HES4: variants seen among roughly 807,000 people sequenced by gnomAD.
HES4 encodes transcription factor HES-4.
In HES4, 17 loss-of-function variants were observed where a neutral mutation model predicts 10.7. That is an observed-to-expected ratio of 1.59 (90% CI 1.09 to 2.38). The LOEUF (loss-of-function observed/expected upper bound fraction) is 2.38, where lower values mean the gene tolerates loss of function less well. Ranked by LOEUF, HES4 falls within the 30% of genes most tolerant of loss-of-function variation. The probability of loss-of-function intolerance (pLI) is 0.00; values close to 1 mark genes in which losing one functional copy is unlikely to be tolerated. For synonymous variants in HES4, 189 were observed against 159.7 expected, an observed-to-expected ratio of 1.18 and a Z score of -1.38; for missense variants, 389 against 332.1, an observed-to-expected ratio of 1.17 and a Z score of -1.33.
In HES4 at chr1:1,000,019, G is replaced by T. The variant is rs1644007061; in HGVS notation, c.-46C>A. ...GTGCCGGGTGGAGCGCGCCGCCACG[G>T]ACCACGGGCGGGCTGGCGGGCGAGC... is the stretch of plus-strand genomic sequence containing the variant. On this transcript the variant is annotated 5_prime_UTR_variant, in exon 1 of 4. Transcript: ENST00000304952. The T allele has an allele frequency of 1.6e-6, 2 of 1,252,174 alleles. No homozygotes were observed. Among genetic ancestry groups the T allele is most frequent in the South Asian group, 5.8e-5 (2 of 34,364 alleles). The allele number at this position is 1,252,174 out of a possible 1,614,324, so 77.6% of individuals were successfully genotyped here.
In HES4 at chr1:999,128, C is replaced by T; in HGVS notation, c.597G>A (p.Arg199=). 3 of 1,217,010 alleles carry T rather than the reference C, an allele frequency of 2.5e-6. No homozygotes were observed. The highest frequency in any genetic ancestry group is 3.1e-6 in the Non-Finnish European group (3 of 979,240). 75.4% of individuals were successfully genotyped at this position (1,217,010 alleles called of 1,614,324 possible). Residue 199 remains arginine (R), a synonymous_variant, in exon 4 of 4, where the codon CGG becomes CGA. Transcript: ENST00000304952. ...CCGCCCTGGGGGCGGCGGGCAGCGC[C>T]CGGGTCAGACCCGGCAGCAGCGGCG... ...LAPPLLPGLT[R]ALPAAPRAGP... is the part of the protein sequence containing the mutation.
chr1:999,036 G>A lies in HES4; in HGVS notation c.*23C>T, dbSNP rs368621245. 2.0e-5 allele frequency: 25 copies of A among 1,264,570 alleles called. No individual in the cohort carries two copies. In the African/African-American group the frequency reaches 3.4e-4, roughly 17 times the overall value. The allele number at this position is 1,264,570 out of a possible 1,614,324, so 78.3% of individuals were successfully genotyped here. A position where few individuals can be genotyped will look rare whatever the true frequency, so the allele number is the denominator to read the frequency against. On this transcript the variant is annotated 3_prime_UTR_variant, in exon 4 of 4. Coordinates refer to ENST00000304952, the MANE Select transcript of HES4 (RefSeq NM_021170.4). ...GGCCCTAGAACGGGGCGCCGCCTCC[G>A]ATGCAGTCTCAGGGCCACAGCCTCA...
intron 1 of HES4, 25 bp downstream of exon 1, chr1:999,841 C>T (rs765510374): frequency 3.1e-6 from 5 of 1,592,364 alleles, no homozygotes; most frequent in South Asian, 1.1e-5. Context: ...CCGGTCGCCC[C>T]CCTCACGCCC....
chr1:999,961 T>A lies in HES4; in HGVS notation c.13A>T (p.Thr5Ser). 3.5e-6 allele frequency: 5 copies of A among 1,446,980 alleles called. No individual in the cohort carries two copies. The highest frequency in any genetic ancestry group is 4.5e-6 in the Non-Finnish European group (5 of 1,110,356). The allele number at this position is 1,446,980 out of a possible 1,614,324, so 89.6% of individuals were successfully genotyped here. A position where few individuals can be genotyped will look rare whatever the true frequency, so the allele number is the denominator to read the frequency against. Residue 5 changes from threonine to serine, a missense_variant, in exon 1 of 4, where the codon ACG (threonine) becomes TCG (serine). Thr to Ser is a moderately conservative substitution (Grantham distance 58). Coordinates refer to ENST00000304952, the MANE Select transcript of HES4 (RefSeq NM_021170.4). ...GGCGAGGCGCTCGGTTTCCCCGGCG[T>A]GTCTGCGGCCATGGTGCGCCCCGCG... Reference protein sequence around the residue: MAADTPGKPSASPMA... With the variant: MAADSPGKPSASPMA...
Position 999,853 on chromosome 1 carries a change from G to A in HES4, c.108+13C>T. ...CCCCCGGTCGCCCCCCTCACGCCCG[G>A]CCGGGACCCCACCTTGCGGTGCTCG... On this transcript the variant is annotated intron_variant, in intron 1 of 3. Transcript: ENST00000304952. The A allele has an allele frequency of 1.9e-6, 3 of 1,577,098 alleles. No individual in the cohort carries two copies. Among genetic ancestry groups the A allele is most frequent in the Non-Finnish European group, 2.6e-6 (3 of 1,164,076 alleles).
At position 999,182 on chromosome 1, in the gene HES4, C is replaced by G. The variant is rs1643982594; in HGVS notation, c.543G>C (p.Ser181=). ...EVYAGRPLLP[S]LGGPFPLLAP... ...CGAGCAGAGGGAAGGGGCCGCCGAGCGATGGCAGCAGCGGGCGGCCCGCGT... is the reference window on the plus strand; with the variant it reads ...CGAGCAGAGGGAAGGGGCCGCCGAGGGATGGCAGCAGCGGGCGGCCCGCGT... Residue 181 remains serine (S), a synonymous_variant, in exon 4 of 4, where the codon TCG becomes TCC. Coordinates refer to ENST00000304952, the MANE Select transcript of HES4 (RefSeq NM_021170.4). 1.6e-6 allele frequency: 2 copies of G among 1,256,854 alleles called. No homozygotes were observed. Among genetic ancestry groups the G allele is most frequent in the African/African-American group, 3.1e-5 (2 of 63,858 alleles). 77.9% of individuals were successfully genotyped at this position (1,256,854 alleles called of 1,614,324 possible). A position where few individuals can be genotyped will look rare whatever the true frequency, so the allele number is the denominator to read the frequency against.
Position 999,308 on chromosome 1 carries a change from C to T in HES4, c.417G>A (p.Leu139=). The change falls in exon 4 of 4, where the codon CTG becomes CTA. Residue 139 remains leucine (L), a synonymous_variant. Coordinates refer to ENST00000304952, the MANE Select transcript of HES4 (RefSeq NM_021170.4). ...EGVPADVRSR[L]LGHLAACLRQ... ...GCAGGCAGGCTGCCAGGTGGCCCAG[C>T]AGGCGGGAGCGCACGTCGGCCGGGA... 1 of 1,472,884 alleles carries T rather than the reference C, an allele frequency of 6.8e-7. No individual in the cohort carries two copies. Among genetic ancestry groups the T allele is most frequent in the Non-Finnish European group, 8.9e-7 (1 of 1,118,272 alleles). The allele number at this position is 1,472,884 out of a possible 1,614,324, so 91.2% of individuals were successfully genotyped here.
Position 999,725 on chromosome 1 carries a change from G to C in HES4, c.171C>G (p.Leu57=), listed in dbSNP as rs754074223. Reference sequence around the variant, plus strand: ...TGAGGGCGTCCAGGATGAGGGTTTTGAGCTGAGCGAGGCTCTCGTTAATAC... The same window carrying C: ...TGAGGGCGTCCAGGATGAGGGTTTTCAGCTGAGCGAGGCTCTCGTTAATAC... ...RARINESLAQ[L]KTLILDALRK... Residue 57 remains leucine (L), a synonymous_variant, in exon 2 of 4, where the codon CTC becomes CTG. Coordinates refer to ENST00000304952, the MANE Select transcript of HES4 (RefSeq NM_021170.4). 1.2e-6 allele frequency: 2 copies of C among 1,611,828 alleles called. No individual in the cohort carries two copies. Among genetic ancestry groups the C allele is most frequent in the East Asian group, 2.2e-5 (1 of 44,746 alleles).
chr1:998,995 T>TC lies in HES4; in HGVS notation c.*63dup. 1 of 1,223,244 alleles carries TC rather than the reference T, an allele frequency of 8.2e-7. No homozygotes were observed. Among genetic ancestry groups the TC allele is most frequent in the South Asian group, 3.4e-5 (1 of 29,148 alleles). The allele number at this position is 1,223,244 out of a possible 1,614,324, so 75.8% of individuals were successfully genotyped here. A position where few individuals can be genotyped will look rare whatever the true frequency, so the allele number is the denominator to read the frequency against. On this transcript the variant is annotated 3_prime_UTR_variant, in exon 4 of 4. Transcript: ENST00000304952. ...AATAAATACGTTTTCTCTGCTACAG[T>TC]CTCGGCAAAGGCCACGGCCCTAGAA...
At position 1,000,054 on chromosome 1, in the gene HES4, G is replaced by A. The variant is rs902563116; in HGVS notation, c.-81C>T. The A allele has an allele frequency of 1.5e-5, 17 of 1,149,872 alleles. No homozygotes were observed. In the South Asian group the frequency reaches 6.2e-4, roughly 42 times the overall value. 71.2% of individuals were successfully genotyped at this position (1,149,872 alleles called of 1,614,324 possible). ...GGGCTGGCGGGCGAGCGGCGAGCGCGCGGCGATCCGAGCCCCTAGGGCGGA... is the reference window on the plus strand; with the variant it reads ...GGGCTGGCGGGCGAGCGGCGAGCGCACGGCGATCCGAGCCCCTAGGGCGGA... On this transcript the variant is annotated 5_prime_UTR_variant, in exon 1 of 4. Coordinates refer to ENST00000304952, the MANE Select transcript of HES4 (RefSeq NM_021170.4).
Position 999,908 on chromosome 1 carries a change from G to T in HES4, c.66C>A (p.Ser22Arg). Residue 22 changes from serine to arginine, a missense_variant, in exon 1 of 4, where the codon AGC becomes AGA. By Grantham distance (110) the Ser-to-Arg change is moderately radical. Coordinates refer to ENST00000304952, the MANE Select transcript of HES4 (RefSeq NM_021170.4). The stretch of plus-strand genomic sequence containing the variant: ...CGCTCCGGGGCTTGTCTGGGGTCCG[G>T]CTGGCGCTGGCCGGCGCTCCTGCCA... ...SPMAGAPASA[S>R]RTPDKPRSAA... 1 of 1,481,138 alleles carries T rather than the reference G, an allele frequency of 6.8e-7. No homozygotes were observed. The highest frequency in any genetic ancestry group is 8.9e-7 in the Non-Finnish European group (1 of 1,124,626). 91.7% of individuals were successfully genotyped at this position (1,481,138 alleles called of 1,614,324 possible).
rs1405048872 is a variant in HES4 at position 1,000,028 on chromosome 1, C to A, written c.-55G>T. Reference sequence around the variant, plus strand: ...GGAGCGCGCCGCCACGGACCACGGGCGGGCTGGCGGGCGAGCGGCGAGCGC... The same window carrying A: ...GGAGCGCGCCGCCACGGACCACGGGAGGGCTGGCGGGCGAGCGGCGAGCGC... On this transcript the variant is annotated 5_prime_UTR_variant, in exon 1 of 4. Transcript: ENST00000304952. The A allele has an allele frequency of 8.2e-7, 1 of 1,217,418 alleles. No individual in the cohort carries two copies. Among genetic ancestry groups the A allele is most frequent in the Admixed American group, 4.4e-5 (1 of 22,518 alleles). The allele number at this position is 1,217,418 out of a possible 1,614,324, so 75.4% of individuals were successfully genotyped here. A position where few individuals can be genotyped will look rare whatever the true frequency, so the allele number is the denominator to read the frequency against.
Position 999,400 on chromosome 1 carries a change from T to C in HES4, c.325A>G (p.Lys109Glu), listed in dbSNP as rs1213556522. 14 of 1,514,672 alleles carry C rather than the reference T, an allele frequency of 9.2e-6. No individual in the cohort carries two copies. The highest frequency in any genetic ancestry group is 1.8e-4 in the Middle Eastern group (1 of 5,504). The allele number at this position is 1,514,672 out of a possible 1,614,324, so 93.8% of individuals were successfully genotyped here. ...ALSADPAVLGKYRAGFHECLA... is the reference protein window; with the variant it reads ...ALSADPAVLGEYRAGFHECLA... ...CACTCGTGGAAGCCGGCGCGGTACT[T>C]GCCCAGAACGGCGGGGTCGGCGCTG... Residue 109 changes from lysine (K) to glutamate (E), a missense_variant, in exon 4 of 4, where the codon AAG becomes GAG. Coordinates refer to ENST00000304952, the MANE Select transcript of HES4 (RefSeq NM_021170.4).
In HES4 at chr1:999,593, C is replaced by T. The variant is rs2100527411; in HGVS notation, c.225G>A (p.Leu75=). The T allele has an allele frequency of 6.2e-7, 1 of 1,609,766 alleles. No individual in the cohort carries two copies. Among genetic ancestry groups the T allele is most frequent in the South Asian group, 1.1e-5 (1 of 90,574 alleles). Residue 75 remains leucine, a synonymous_variant, in exon 3 of 4, where the codon CTG becomes CTA. Transcript: ENST00000304952. The part of the protein sequence containing the change: ...LRKESSRHSK[L]EKADILEMTV... ...TCATCTCCAGGATGTCCGCCTTCTC[C>T]AGCTTCGAGTGGCGGGAGCTCTGGG...
chr1:999,086 ACCCGGGCCCTGCGGCCCCGC>A lies in HES4; in HGVS notation c.619_638del (p.Ala207TrpfsTer14), dbSNP rs1643979920. 1 of 1,235,954 alleles carries A rather than the reference ACCCGGGCCCTGCGGCCCCGC, an allele frequency of 8.1e-7. No individual in the cohort carries two copies. The highest frequency in any genetic ancestry group is 3.8e-5 in the South Asian group (1 of 26,284). 76.6% of individuals were successfully genotyped at this position (1,235,954 alleles called of 1,614,324 possible). ...AGCGCAGCCACGGCCTCCAGGGCCC[ACCCGGGCCCTGCGGCCCCGC>A]CCTGGGGGCGGCGGGCAGCGCCCGG... is the stretch of plus-strand genomic sequence containing the variant. On this transcript the variant is annotated frameshift_variant, in exon 4 of 4. Transcript: ENST00000304952. LOFTEE classifies it high-confidence loss of function.
chr1:999,572 C>T lies in HES4; in HGVS notation c.246G>A (p.Glu82=), dbSNP rs774500086. Residue 82 remains glutamate, a synonymous_variant, in exon 3 of 4, where the codon GAG becomes GAA. Coordinates refer to ENST00000304952, the MANE Select transcript of HES4 (RefSeq NM_021170.4). ...GGCTCCGCAGGTGTCTCACGGTCAT[C>T]TCCAGGATGTCCGCCTTCTCCAGCT... is the stretch of plus-strand genomic sequence containing the variant. ...HSKLEKADIL[E]MTVRHLRSLR... is the part of the protein sequence containing the mutation. 4 of 1,609,808 alleles carry T rather than the reference C, an allele frequency of 2.5e-6. No homozygotes were observed. The South Asian group carries it at 4.4e-5, about 18-fold the overall frequency.
rs1643979793 is a variant in HES4, at chr1:999,084, C to G, written c.641G>C (p.Gly214Ala). ...TCAGCGCAGCCACGGCCTCCAGGGCCCACCCGGGCCCTGCGGCCCCGCCCT... is the reference window on the plus strand; with the variant it reads ...TCAGCGCAGCCACGGCCTCCAGGGCGCACCCGGGCCCTGCGGCCCCGCCCT... ...APRAGPQGPGGPWRPWLR is the reference protein window; with the variant it reads ...APRAGPQGPGAPWRPWLR The change falls in exon 4 of 4, where the codon GGG becomes GCG. Residue 214 changes from glycine to alanine, a missense_variant. By Grantham distance (60) the Gly-to-Ala change is moderately conservative (BLOSUM62 0). Coordinates refer to ENST00000304952, the MANE Select transcript of HES4 (RefSeq NM_021170.4). 1 of 1,239,100 alleles carries G rather than the reference C, an allele frequency of 8.1e-7. No individual in the cohort carries two copies. The highest frequency in any genetic ancestry group is 1.0e-6 in the Non-Finnish European group (1 of 990,916). 76.8% of individuals were successfully genotyped at this position (1,239,100 alleles called of 1,614,324 possible). A position where few individuals can be genotyped will look rare whatever the true frequency, so the allele number is the denominator to read the frequency against.
rs765962693 is a variant in HES4 at position 999,516 on chromosome 1, C to G, written c.292+10G>C. Reference sequence around the variant, plus strand: ...CCCCCGCCTCCAAGCCGCCGCCGCCCGCGCCTCACCCGTCACCTGCACGCG... The same window carrying G: ...CCCCCGCCTCCAAGCCGCCGCCGCCGGCGCCTCACCCGTCACCTGCACGCG... On this transcript the variant is annotated intron_variant, in intron 3 of 3. Coordinates refer to ENST00000304952, the MANE Select transcript of HES4 (RefSeq NM_021170.4). 8 of 1,584,814 alleles carry G rather than the reference C, an allele frequency of 5.0e-6. No homozygotes were observed. The highest frequency in any genetic ancestry group is 2.3e-5 in the East Asian group (1 of 42,978).
At position 999,542 on chromosome 1, in the gene HES4, A is replaced by G. The variant is rs749163844; in HGVS notation, c.276T>C (p.Arg92=). ...EMTVRHLRSL[R]RVQVTAALSA... ...GCGCCTCACCCGTCACCTGCACGCG[A>G]CGCAGGCTCCGCAGGTGTCTCACGG... The change falls in exon 3 of 4, where the codon CGT becomes CGC. Residue 92 remains arginine (R), a synonymous_variant. Transcript: ENST00000304952. The G allele has an allele frequency of 2.5e-6, 4 of 1,602,110 alleles. No individual in the cohort carries two copies. In the South Asian group the frequency reaches 4.5e-5, roughly 18 times the overall value.
Sources: allele counts gnomAD v4.1 joint callset, GRCh38; gene constraint gnomAD v4.1.1; transcripts MANE v1.5; gene names NCBI Gene and HGNC (gene_info 2026-07-23, HGNC 2026-07-21).